FCSK: variants seen among roughly 807,000 people sequenced by gnomAD.
FCSK encodes the protein fucose kinase.
A neutral mutation model predicts 122.5 loss-of-function variants in FCSK; 123 were observed. That is an observed-to-expected ratio of 1.00 (90% CI 0.87 to 1.17). The LOEUF (loss-of-function observed/expected upper bound fraction) is 1.17, where lower values mean the gene tolerates loss of function less well. Among genes scored for constraint, FCSK ranks in the 50% most tolerant of loss-of-function variants. FCSK has a pLI of 0.00. For missense variants in FCSK, 1,366 were observed against 1,450.4 expected (o/e 0.94, Z 0.95); for synonymous variants, 620 against 625.5 (o/e 0.99, Z 0.13).
chr16:70,477,730 C>T (rs1425003012), intron 20 of FCSK: 3 of 153,800 alleles, frequency 2.0e-5, no homozygotes, highest in Non-Finnish European at 4.3e-5. Context: ...TTTTTTGAGA[C>T]AGAGTCTCAC....
chr16:70,470,937 AC>A, intron 11 of FCSK, 33 bp from the exon 12 acceptor site: 1 of 1,537,296 alleles, frequency 6.5e-7, no homozygotes, highest in Non-Finnish European at 8.8e-7. Flanking sequence ...CTGGGCCTCG[AC>A]CCCCCTCATG....
At position 70,469,849 on chromosome 16, in the gene FCSK, C is replaced by CT. The variant is rs889447514; in HGVS notation, c.956-452dup. On this transcript the variant is annotated intron_variant, in intron 10 of 23. Transcript: ENST00000288078. ...TGCCCGGCCCTAACCTGTCTGCTTTCTTTTTTTTTTTTTGAGACAGAGTAT... is the reference window on the plus strand; with the variant it reads ...TGCCCGGCCCTAACCTGTCTGCTTTCTTTTTTTTTTTTTTGAGACAGAGTAT... Among the ~76,000 whole-genome samples, 408 of 140,592 alleles carry CT rather than the reference C, an allele frequency of 2.9e-3. 1 individual carries two copies. The highest frequency in any genetic ancestry group is 7.8e-3 in the Middle Eastern group (2 of 256). 92.2% of individuals were successfully genotyped at this position (140,592 alleles called of 152,430 possible).
In FCSK at chr16:70,466,226, T is replaced by C. The variant is rs745836357; in HGVS notation, c.380T>C (p.Leu127Pro). 3.1e-6 allele frequency: 5 copies of C among 1,613,954 alleles called. No individual in the cohort carries two copies. The highest frequency in any genetic ancestry group is 4.2e-6 in the Non-Finnish European group (5 of 1,179,880). The change falls in exon 5 of 24, where the codon CTG becomes CCG. Residue 127 changes from leucine to proline, a missense_variant. Coordinates refer to ENST00000288078, the MANE Select transcript of FCSK (RefSeq NM_145059.3). ...EAPVEALVCN[L>P]DCLLDIMTYR... ...CCCGTGGAAGCCTTGGTCTGCAACCTGGACTGCCTGCTGGACATCATGACC... is the reference window on the plus strand; with the variant it reads ...CCCGTGGAAGCCTTGGTCTGCAACCCGGACTGCCTGCTGGACATCATGACC...
chr16:70,471,086 G>T lies in FCSK; in HGVS notation c.1170+14G>T, dbSNP rs775955819. On this transcript the variant is annotated intron_variant, in intron 12 of 23. Transcript: ENST00000288078. ...TGCCACCTGCAGGTGAGGCCTGAGC[G>T]TGTGGGCAGATTGGGGCGAGGGTGC... is the stretch of plus-strand genomic sequence containing the variant. 1 of 1,595,688 alleles carries T rather than the reference G, an allele frequency of 6.3e-7. No homozygotes were observed.
chr16:70,465,824 A>G (rs531379569), intron 4 of FCSK, among the ~76,000 whole-genome samples: 198 of 152,180 alleles, frequency 1.3e-3, no homozygotes, highest in African/African-American at 4.7e-3. Context: ...ATGGTGGTGC[A>G]TGCCTGTAGT....
At chr16:70,471,635 A>G (rs1406397545) in intron 13 of FCSK, among the ~76,000 whole-genome samples, 1 of 151,766 alleles carries the variant, frequency 6.6e-6, no homozygotes, top group Non-Finnish European at 1.5e-5. Flanking sequence ...GTCTTGCTCT[A>G]TCACCAAGGC....
At chr16:70,471,158 G>T (rs1332252754) in intron 12 of FCSK, 24 bp from the exon 13 acceptor site, 2 of 1,596,438 alleles carry the variant, frequency 1.3e-6, no homozygotes, top group South Asian at 2.2e-5. Context: ...GCCCACCCAG[G>T]ATGCCTGCCC....
rs774430621 is a variant in FCSK, at chr16:70,474,945, A to G, written c.2311A>G (p.Met771Val). Residue 771 changes from methionine (M) to valine (V), a missense_variant, in exon 18 of 24, where the codon ATG (methionine) becomes GTG (valine). Coordinates refer to ENST00000288078, the MANE Select transcript of FCSK (RefSeq NM_145059.3). The stretch of plus-strand genomic sequence containing the variant: ...GGCGGTGGGGCCTCGGCAGGATGAG[A>G]TGACTGTGAAGATAGTGTGCCGGTG... ...WLAVGPRQDE[M>V]TVKIVCRCLA... 1 of 1,611,708 alleles carries G rather than the reference A, an allele frequency of 6.2e-7. No homozygotes were observed. Among genetic ancestry groups the G allele is most frequent in the Non-Finnish European group, 8.5e-7 (1 of 1,179,358 alleles).
chr16:70,456,564 G>A (rs563432041), intron 1 of FCSK, among the ~76,000 whole-genome samples: 1 of 152,248 alleles, frequency 6.6e-6, no homozygotes, highest in South Asian at 2.1e-4. Context: ...CTCCTTCAGG[G>A]ACAGGTTAAA....
Position 70,473,037 on chromosome 16 carries a change from C to T in FCSK, c.1461C>T (p.Ser487=), listed in dbSNP as rs747773026. ...ETLPAEYCLP[S]ARLFPVLHPS... Reference sequence around the variant, plus strand: ...TGCCCGCAGAGTACTGCCTTCCCAGCGCCCGCCTCTTTCCTGTGCTCCACC... The same window carrying T: ...TGCCCGCAGAGTACTGCCTTCCCAGTGCCCGCCTCTTTCCTGTGCTCCACC... The change falls in exon 15 of 24, where the codon AGC becomes AGT. Residue 487 remains serine (S), a synonymous_variant. Coordinates refer to ENST00000288078, the MANE Select transcript of FCSK (RefSeq NM_145059.3). The surrounding 1 kb of genome is among the most constrained non-coding windows in gnomAD (Gnocchi z 4.9). The T allele has an allele frequency of 3.1e-5, 50 of 1,590,442 alleles. No homozygotes were observed. Among genetic ancestry groups the T allele is most frequent in the South Asian group, 3.0e-4 (26 of 87,658 alleles).
intron 5 of FCSK, chr16:70,466,563 G>A (rs1247928322): frequency 4.0e-6 from 2 of 496,108 alleles, no homozygotes; most frequent in Non-Finnish European, 7.2e-6. Context: ...TGGGCATGAT[G>A]GCATGCACTT....
chr16:70,475,582 C>A (rs190917203), intron 19 of FCSK, 66 bp from the exon 20 acceptor site: 2 of 1,578,462 alleles, frequency 1.3e-6, no homozygotes, highest in Admixed American at 3.6e-5. Flanking sequence ...TGCCCTTAGA[C>A]GGAGTCAGGC....
intron 13 of FCSK, 87 bp downstream of exon 13, chr16:70,471,439 C>G: frequency 7.5e-7 from 1 of 1,335,358 alleles, no homozygotes; most frequent in Non-Finnish European, 1.0e-6. Context: ...CTGCGGGGTT[C>G]TCTGAGCACT....
At position 70,473,292 on chromosome 16, in the gene FCSK, G is replaced by A. The variant is rs763450125; in HGVS notation, c.1716G>A (p.Pro572=). 1.6e-4 allele frequency: 237 copies of A among 1,526,730 alleles called. No individual in the cohort carries two copies. The highest frequency in any genetic ancestry group is 1.9e-4 in the Non-Finnish European group (220 of 1,137,734). The allele number at this position is 1,526,730 out of a possible 1,614,324, so 94.6% of individuals were successfully genotyped here. The change falls in exon 15 of 24, where the codon CCG becomes CCA. Residue 572 remains proline, a synonymous_variant. Transcript: ENST00000288078. This position sits in a 1 kb window ranked among gnomAD's most constrained non-coding sequence, Gnocchi z 4.9. ...LEARQDLSLR[P]LIWAAVREGC... ...CCCGGCAGGACCTCAGCCTGCGCCCGCTGATCTGGGCTGCTGTCCGCGAGG... is the reference window on the plus strand; with the variant it reads ...CCCGGCAGGACCTCAGCCTGCGCCCACTGATCTGGGCTGCTGTCCGCGAGG...
chr16:70,468,527 A>C (rs1419384081), intron 8 of FCSK, among the ~76,000 whole-genome samples: 2 of 152,192 alleles, frequency 1.3e-5, no homozygotes, highest in Non-Finnish European at 2.9e-5. Flanking sequence ...GGTTGGGAGG[A>C]GGCCTAGAGC....
intron 8 of FCSK, 130 bp downstream of exon 8, chr16:70,468,096 C>G (rs1597617803): frequency 2.7e-6 from 2 of 737,092 alleles, no homozygotes; most frequent in East Asian, 5.4e-5. Flanking sequence ...GACAGGGTAG[C>G]CTTGGAATTC....
At chr16:70,475,556 C>G in intron 19 of FCSK, 63 bp downstream of exon 19, 1 of 1,588,726 alleles carries the variant, frequency 6.3e-7, no homozygotes, top group Non-Finnish European at 8.6e-7. Context: ...TGCCTGTGAT[C>G]CCCCTTCCTG....
At chr16:70,460,768 T>G (rs1429148344) in intron 1 of FCSK, among the ~76,000 whole-genome samples, 1 of 152,224 alleles carries the variant, frequency 6.6e-6, no homozygotes, top group Non-Finnish European at 1.5e-5. Flanking sequence ...TCTGTTTCAG[T>G]GTCCCAGCTG....
At chr16:70,470,254 C>T (rs1357181653) in intron 10 of FCSK, 60 bp from the exon 11 acceptor site, 8 of 1,171,116 alleles carry the variant, frequency 6.8e-6, no homozygotes, top group South Asian at 1.3e-5. Flanking sequence ...TGCTGGGAGG[C>T]AGCCTGGCCC....
Sources: gnomAD v4.1 joint callset for allele counts (sites outside exome capture counted in the v4.1 genomes callset) on GRCh38, gnomAD v4.1.1 for gene constraint, Gnocchi (gnomAD v3.1) non-coding constraint, MANE v1.5 for transcripts, NCBI Gene and HGNC (gene_info 2026-07-23, HGNC 2026-07-21) for gene names.